KHDC1: variants seen among roughly 807,000 people sequenced by gnomAD.
The protein encoded by KHDC1 is KH domain containing 1.
KHDC1 carries 21 observed loss-of-function variants against 24.7 expected under a neutral mutation model. The observed-to-expected ratio is 0.85, with a 90% CI of 0.60 to 1.23. KHDC1 has a LOEUF of 1.23. Ranked by LOEUF, KHDC1 falls within the 50% of genes most tolerant of loss-of-function variation. The probability of loss-of-function intolerance (pLI) is 0.00; values close to 1 mark genes in which losing one functional copy is unlikely to be tolerated. For synonymous variants in KHDC1, 98 were observed against 111.7 expected, an observed-to-expected ratio of 0.88 and a Z score of 0.77; for missense variants, 274 against 298.5, an observed-to-expected ratio of 0.92 and a Z score of 0.61.
chr6:73,304,810 A>G (rs542677238), intron 1 of KHDC1, among the ~76,000 whole-genome samples: 4 of 152,302 alleles, frequency 2.6e-5, no homozygotes, highest in South Asian at 2.1e-4. Flanking sequence ...AGTCACCAAC[A>G]TAGCTGGTCT....
intron 2 of KHDC1, chr6:73,291,873 T>C (rs1417088738): frequency 8.8e-6 from 9 of 1,020,858 alleles, no homozygotes; most frequent in African/African-American, 4.8e-5. Flanking sequence ...TATTACACAA[T>C]ACATTCATGT....
intron 2 of KHDC1, among the ~76,000 whole-genome samples, chr6:73,278,296 C>T (rs986008202): frequency 6.6e-6 from 1 of 151,812 alleles, no homozygotes; most frequent in Admixed American, 6.6e-5. Flanking sequence ...GGATTACAGG[C>T]GTGAGCCATG....
chr6:73,278,271 C>T (rs1767339332), intron 2 of KHDC1, among the ~76,000 whole-genome samples: 2 of 151,972 alleles, frequency 1.3e-5, no homozygotes, highest in South Asian at 4.1e-4. Context: ...CCCACCTCGG[C>T]CTCCCAAAAT....
chr6:73,293,030 C>A lies in KHDC1; in HGVS notation c.164-990G>T, dbSNP rs1767685003. The A allele has an allele frequency of 4.0e-6, 4 of 1,009,674 alleles. No individual in the cohort carries two copies. The East Asian group carries it at 1.1e-4, about 28-fold the overall frequency. 62.5% of individuals were successfully genotyped at this position (1,009,674 alleles called of 1,614,324 possible). A position where few individuals can be genotyped will look rare whatever the true frequency, so the allele number is the denominator to read the frequency against. ...GTTGGCAGACAAATTGAACATGACT[C>A]CAGATGAAACTGAAAGGTGGATTGT... On this transcript the variant is annotated intron_variant, in intron 1 of 4. Transcript: ENST00000370384.
chr6:73,285,948 C>CT, intron 2 of KHDC1, among the ~76,000 whole-genome samples: 1 of 152,256 alleles, frequency 6.6e-6, no homozygotes, highest in African/African-American at 2.4e-5. Flanking sequence ...CTGGAAAGGC[C>CT]TTTTTTCTCC....
chr6:73,270,317 G>A (rs912019522), intron 2 of KHDC1: 19 of 152,016 alleles, frequency 1.2e-4, no homozygotes, highest in Non-Finnish European at 1.3e-4. Context: ...ACGCAGATAG[G>A]ACTAAGCCTT....
At chr6:73,292,135 C>T in intron 1 of KHDC1, 1 of 1,573,140 alleles carries the variant, frequency 6.4e-7, no homozygotes, top group Non-Finnish European at 8.7e-7. Flanking sequence ...TGGATGCATA[C>T]AAAAACCTTT....
intron 1 of KHDC1, among the ~76,000 whole-genome samples, chr6:73,298,624 CG>C (rs1325568572): frequency 1.3e-5 from 2 of 151,472 alleles, no homozygotes; most frequent in Non-Finnish European, 2.9e-5. Flanking sequence ...TTAGTACAGA[CG>C]GGGTTTCACC....
chr6:73,301,505 A>G (rs1767874618), intron 1 of KHDC1: 1 of 152,196 alleles, frequency 6.6e-6, no homozygotes, highest in Non-Finnish European at 1.5e-5. Flanking sequence ...GTATGGAAAC[A>G]CCTTATAATA....
At chr6:73,243,665 C>T (rs1184540870) in intron 2 of KHDC1, among the ~76,000 whole-genome samples, 1 of 152,190 alleles carries the variant, frequency 6.6e-6, no homozygotes, top group East Asian at 1.9e-4. Flanking sequence ...AAAACCAGGC[C>T]ATGAAATCAT....
At chr6:73,256,089 G>A (rs1418988680) in intron 2 of KHDC1, among the ~76,000 whole-genome samples, 1 of 152,066 alleles carries the variant, frequency 6.6e-6, no homozygotes, top group Non-Finnish European at 1.5e-5. Context: ...ACTTTCCAAA[G>A]GTCAGGCATA....
At chr6:73,243,842 C>T (rs570033708) in intron 2 of KHDC1, among the ~76,000 whole-genome samples, 1 of 152,330 alleles carries the variant, frequency 6.6e-6, no homozygotes, top group South Asian at 2.1e-4. Context: ...AACTATGAAA[C>T]CATTCATACA....
At chr6:73,269,934 ATTT>A (rs1767150810) in intron 2 of KHDC1, 1 of 152,032 alleles carries the variant, frequency 6.6e-6, no homozygotes, top group South Asian at 2.1e-4. Flanking sequence ...TGCCTGGCCA[ATTT>A]TTTAATTGTT....
intron 2 of KHDC1, among the ~76,000 whole-genome samples, chr6:73,262,113 G>C (rs974307200): frequency 1.3e-5 from 2 of 151,496 alleles, no homozygotes; most frequent in Non-Finnish European, 2.9e-5. Flanking sequence ...GGGCCAAATT[G>C]ATGTGCTCAA....
exon 1 of KHDC1, chr6:73,309,725 T>C (rs1315742738): frequency 3.2e-6 from 5 of 1,549,808 alleles, no homozygotes; most frequent in Non-Finnish European, 4.4e-6. Flanking sequence ...TTCGCGTTTC[T>C]GGCCTGGGAA....
intron 2 of KHDC1, among the ~76,000 whole-genome samples, chr6:73,283,164 TTA>T (rs1258987863): frequency 6.6e-6 from 1 of 152,176 alleles, no homozygotes; most frequent in Admixed American, 6.5e-5. Context: ...AAGGAAGTCA[TTA>T]CGTATAGCTC....
rs528458058 is a variant in KHDC1, at chr6:73,253,499, G to A, written c.207-10969C>T. 2.3e-4 allele frequency among the ~76,000 whole-genome samples: 35 copies of A among 152,030 alleles called. No individual in the cohort carries two copies. In the South Asian group the frequency reaches 5.8e-3, roughly 25 times the overall value. On this transcript the variant is annotated intron_variant, in intron 2 of 4. Transcript: ENST00000370384. The stretch of plus-strand genomic sequence containing the variant: ...ACCCAGGAGGCAGAGCTTGCAGTGA[G>A]CCAAGATAGCACCACTGCAGTCCAG...
intron 2 of KHDC1, among the ~76,000 whole-genome samples, chr6:73,282,157 G>T (rs1216620009): frequency 6.9e-6 from 1 of 144,076 alleles, no homozygotes; most frequent in African/African-American, 2.6e-5. Context: ...GGCGAAGGTT[G>T]TAGTGAGCCA....
intron 1 of KHDC1, chr6:73,292,544 A>T (rs1767676082): frequency 1.3e-6 from 1 of 768,486 alleles, no homozygotes; most frequent in African/African-American, 1.7e-5. Flanking sequence ...GTTAAAAGAG[A>T]CCATAGATAA....
Sources: allele counts gnomAD v4.1 joint callset (sites outside exome capture counted in the v4.1 genomes callset), GRCh38; gene constraint gnomAD v4.1.1; transcripts MANE v1.5; gene names NCBI Gene and HGNC (gene_info 2026-07-23, HGNC 2026-07-21).